The following PRKG1 variants were observed in gnomAD, a reference collection of about 807,000 sequenced individuals.
The protein encoded by PRKG1 is cGMP-dependent protein kinase 1.
PRKG1 carries 35 observed loss-of-function variants against 88.1 expected under a neutral mutation model. That is an observed-to-expected ratio of 0.40 (90% confidence interval 0.30 to 0.53). The LOEUF is 0.53. Ranked by LOEUF, PRKG1 falls within the 20% of genes least tolerant of loss-of-function variation. The pLI is 0.59. For synonymous variants in PRKG1, 303 were observed against 292.5 expected (o/e 1.04, Z -0.37); for missense variants, 540 against 839.8 (o/e 0.64, Z 4.41).
intron 3 of PRKG1, among the ~76,000 whole-genome samples, chr10:51,751,488 A>G (rs981352734): frequency 6.6e-6 from 1 of 152,140 alleles, no homozygotes; most frequent in Non-Finnish European, 1.5e-5. Flanking sequence ...TCTGCCTCCT[A>G]AAGTGCTGGG....
At chr10:51,988,906 TTA>T (rs1371665034) in intron 5 of PRKG1, among the ~76,000 whole-genome samples, 1 of 152,154 alleles carries the variant, frequency 6.6e-6, no homozygotes, top group African/African-American at 2.4e-5. Flanking sequence ...TATAAATCTT[TTA>T]TGTTGTTGCC....
intron 3 of PRKG1, among the ~76,000 whole-genome samples, chr10:51,763,780 G>A (rs1838085855): frequency 1.3e-5 from 2 of 152,070 alleles, no homozygotes; most frequent in South Asian, 2.1e-4. Flanking sequence ...TGGAGGTTGA[G>A]AAGTGTACAA....
intron 2 of PRKG1, among the ~76,000 whole-genome samples, chr10:51,311,346 C>T (rs944264851): frequency 6.6e-5 from 10 of 152,328 alleles, no homozygotes; most frequent in Admixed American, 2.0e-4. Flanking sequence ...CCTTCAGTGT[C>T]ATGAGTTCTT....
intron 1 of PRKG1, among the ~76,000 whole-genome samples, chr10:51,107,308 C>T (rs1454935282): frequency 6.6e-6 from 1 of 151,952 alleles, no homozygotes; most frequent in African/African-American, 2.4e-5. Flanking sequence ...TATCCCAATG[C>T]AATAGCAAAC....
At chr10:51,472,123 A>G (rs1403257536) in intron 3 of PRKG1, among the ~76,000 whole-genome samples, 1 of 151,898 alleles carries the variant, frequency 6.6e-6, no homozygotes, top group Admixed American at 6.6e-5. Context: ...AAGTTTACAT[A>G]CTTAAACTTT....
chr10:51,635,776 G>A (rs1839642542), intron 3 of PRKG1, among the ~76,000 whole-genome samples: 1 of 151,928 alleles, frequency 6.6e-6, no homozygotes, highest in African/African-American at 2.4e-5. Context: ...TAATCACTTT[G>A]TTTATCATTT....
intron 3 of PRKG1, among the ~76,000 whole-genome samples, chr10:51,793,159 C>G (rs73347270): frequency 4.1e-4 from 29 of 71,454 alleles, no homozygotes; most frequent in African/African-American, 1.4e-3. Context: ...AAAAAAAAAA[C>G]CAGAACAACA....
rs561857030 is a variant in PRKG1 at position 51,129,511 on chromosome 10, T to G, written c.312-23653T>G. 1.1e-4 allele frequency among the ~76,000 whole-genome samples: 17 copies of G among 151,992 alleles called. 1 individual carries two copies. In the South Asian group the frequency reaches 3.5e-3, roughly 32 times the overall value. On this transcript the variant is annotated intron_variant, in intron 1 of 17. Coordinates refer to ENST00000373980, the MANE Select transcript of PRKG1 (RefSeq NM_006258.4). ...ACATAAACAGGAATATTTCCAACTA[T>G]CTGCCTGCAAAAGCCTTGAAGTCTA... is the stretch of plus-strand genomic sequence containing the variant.
At chr10:51,918,265 A>G (rs1242937457) in intron 5 of PRKG1, among the ~76,000 whole-genome samples, 1 of 152,002 alleles carries the variant, frequency 6.6e-6, no homozygotes, top group African/African-American at 2.4e-5. Context: ...TAAAAGAAAA[A>G]CTTCTCCCAC....
chr10:51,532,630 C>G (rs1842046823), intron 3 of PRKG1, among the ~76,000 whole-genome samples: 1 of 152,212 alleles, frequency 6.6e-6, no homozygotes, highest in Non-Finnish European at 1.5e-5. Flanking sequence ...ACAAACAGCT[C>G]TTGACTTCAC....
At chr10:52,004,802 C>A (rs1013594380) in intron 5 of PRKG1, among the ~76,000 whole-genome samples, 1 of 152,066 alleles carries the variant, frequency 6.6e-6, no homozygotes, top group South Asian at 2.1e-4. Context: ...TGGCTCATGC[C>A]GGTAATCCCA....
intron 2 of PRKG1, among the ~76,000 whole-genome samples, chr10:51,352,577 G>A (rs910655424): frequency 6.6e-6 from 1 of 152,040 alleles, no homozygotes; most frequent in African/African-American, 2.4e-5. Flanking sequence ...AAACACTGAA[G>A]AAGGAAATTG....
intron 4 of PRKG1, among the ~76,000 whole-genome samples, chr10:51,830,125 C>T (rs553749426): frequency 4.7e-4 from 71 of 152,190 alleles, no homozygotes; most frequent in African/African-American, 1.7e-3. Context: ...ATGTTCTATA[C>T]TCAGTTAATC....
At chr10:51,326,617 C>T (rs74420671) in intron 2 of PRKG1, among the ~76,000 whole-genome samples, 2 of 152,220 alleles carry the variant, frequency 1.3e-5, no homozygotes, top group East Asian at 3.9e-4. Flanking sequence ...AATTTTCTTT[C>T]TTGATGTATG....
At chr10:52,002,747 T>C (rs1190611853) in intron 5 of PRKG1, among the ~76,000 whole-genome samples, 1 of 152,176 alleles carries the variant, frequency 6.6e-6, no homozygotes, top group African/African-American at 2.4e-5. Flanking sequence ...TAACACCCTA[T>C]GCTGTTCATG....
intron 2 of PRKG1, among the ~76,000 whole-genome samples, chr10:51,156,314 A>ACACACAC (rs60689292): frequency 6.2e-4 from 91 of 147,130 alleles, no homozygotes; most frequent in African/African-American, 1.8e-3. Context: ...CACACACACA[A>ACACACAC]ACACACACAC....
chr10:51,152,483 G>A (rs1175279107), intron 1 of PRKG1, among the ~76,000 whole-genome samples: 1 of 151,934 alleles, frequency 6.6e-6, no homozygotes, highest in African/African-American at 2.4e-5. Flanking sequence ...AATATTACTT[G>A]AGCAGTATTA....
At chr10:51,873,567 G>A (rs1044326544) in intron 4 of PRKG1, among the ~76,000 whole-genome samples, 48 of 140,150 alleles carry the variant, frequency 3.4e-4, no homozygotes, top group East Asian at 8.2e-4. Flanking sequence ...TTGCTCTGTC[G>A]CCCAGGCTAG....
chr10:51,143,542 T>G (rs1243335858), intron 1 of PRKG1, among the ~76,000 whole-genome samples: 1 of 152,190 alleles, frequency 6.6e-6, no homozygotes, highest in African/African-American at 2.4e-5. Context: ...TTTTGAGGAA[T>G]CTTCATACTA....
Sources: gnomAD v4.1 joint callset for allele counts (sites outside exome capture counted in the v4.1 genomes callset) on GRCh38, gnomAD v4.1.1 for gene constraint, MANE v1.5 for transcripts, NCBI Gene and HGNC (gene_info 2026-07-23, HGNC 2026-07-21) for gene names.